SORCS1: variants seen among roughly 807,000 people sequenced by gnomAD.
SORCS1 encodes VPS10 domain-containing receptor SorCS1.
A neutral mutation model predicts 146.1 loss-of-function variants in SORCS1; 60 were observed. The observed-to-expected ratio is 0.41, with a 90% CI of 0.33 to 0.51. The LOEUF is 0.51. Among genes scored for constraint, SORCS1 ranks in the 20% least tolerant of loss-of-function variants. SORCS1 has a pLI of 0.21. For missense variants in SORCS1, 1,352 were observed against 1,487.6 expected (o/e 0.91, Z 1.50); for synonymous variants, 637 against 584.0 (o/e 1.09, Z -1.31).
chr10:106,677,699 T>C (rs1852139948), intron 12 of SORCS1, among the ~76,000 whole-genome samples: 1 of 152,216 alleles, frequency 6.6e-6, no homozygotes, highest in African/African-American at 2.4e-5. Flanking sequence ...CCAGTTATGA[T>C]GATGTCAGAA....
At chr10:107,136,268 G>A (rs1967291311) in intron 1 of SORCS1, among the ~76,000 whole-genome samples, 1 of 152,172 alleles carries the variant, frequency 6.6e-6, no homozygotes, top group East Asian at 1.9e-4. Flanking sequence ...CCATATGCAG[G>A]GGAGAGGACA....
At chr10:106,787,011 T>C (rs1440217632) in intron 3 of SORCS1, among the ~76,000 whole-genome samples, 2 of 152,174 alleles carry the variant, frequency 1.3e-5, no homozygotes, top group African/African-American at 2.4e-5. Flanking sequence ...GGTTGAGTAA[T>C]TTCAGTGTGT....
intron 13 of SORCS1, among the ~76,000 whole-genome samples, chr10:106,676,434 A>G (rs923800056): frequency 7.2e-5 from 11 of 152,214 alleles, no homozygotes; most frequent in African/African-American, 2.7e-4. Flanking sequence ...ATGGATATGG[A>G]TATTAAACTC....
intron 5 of SORCS1, among the ~76,000 whole-genome samples, chr10:106,738,293 G>T (rs1249788153): frequency 1.3e-5 from 2 of 152,296 alleles, no homozygotes; most frequent in East Asian, 1.9e-4. Flanking sequence ...TTAATAAAAA[G>T]AAAATATTCT....
At chr10:106,679,107 G>C (rs1852245305) in intron 12 of SORCS1, 149 bp downstream of exon 12, 4 of 544,224 alleles carry the variant, frequency 7.3e-6, no homozygotes, top group Non-Finnish European at 1.3e-5. Flanking sequence ...CAACATTTAA[G>C]ACTTTTATAT....
rs35223659 is a variant in SORCS1 at position 106,665,388 on chromosome 10, CT to C, written c.2303+2300del. Among the ~76,000 whole-genome samples the C allele has an allele frequency of 8.1e-3, 1,099 of 134,848 alleles. 14 individuals are homozygous for C. Among genetic ancestry groups the C allele is most frequent in the East Asian group, 0.033 (154 of 4,720 alleles). 88.5% of individuals were successfully genotyped at this position (134,848 alleles called of 152,430 possible). On this transcript the variant is annotated intron_variant, in intron 17 of 25. Coordinates refer to ENST00000263054, the MANE Select transcript of SORCS1 (RefSeq NM_052918.5). ...TCCTTCCCTTTTTTTTTCTCTCTCTCTTTTTTTTTTTTTTTAATAGATGGGG... is the reference window on the plus strand; with the variant it reads ...TCCTTCCCTTTTTTTTTCTCTCTCTCTTTTTTTTTTTTTTAATAGATGGGG...
At chr10:106,611,709 T>C (rs972977662) in intron 22 of SORCS1, among the ~76,000 whole-genome samples, 1 of 152,234 alleles carries the variant, frequency 6.6e-6, no homozygotes, top group Non-Finnish European at 1.5e-5. Flanking sequence ...GGTTCCATAG[T>C]TGCATCCCCT....
At chr10:107,078,263 G>T (rs112525397) in intron 1 of SORCS1, among the ~76,000 whole-genome samples, 105 of 152,112 alleles carry the variant, frequency 6.9e-4, no homozygotes, top group African/African-American at 2.4e-3. Flanking sequence ...AGTAAAAGGA[G>T]GTTCCATGCT....
At chr10:106,937,020 G>T (rs543471335) in intron 2 of SORCS1, among the ~76,000 whole-genome samples, 1 of 152,270 alleles carries the variant, frequency 6.6e-6, no homozygotes, top group African/African-American at 2.4e-5. Flanking sequence ...AGATGATACG[G>T]TTTGGCTGTG....
intron 3 of SORCS1, among the ~76,000 whole-genome samples, chr10:106,795,690 C>T (rs1264249165): frequency 1.3e-5 from 2 of 152,090 alleles, no homozygotes; most frequent in South Asian, 2.1e-4. Context: ...AAGGTATTTG[C>T]TACATATTCT....
At chr10:107,120,365 G>C (rs1472672233) in intron 1 of SORCS1, among the ~76,000 whole-genome samples, 1 of 152,132 alleles carries the variant, frequency 6.6e-6, no homozygotes, top group East Asian at 1.9e-4. Flanking sequence ...AATAAAGAAA[G>C]TAATAAAAAA....
intron 22 of SORCS1, among the ~76,000 whole-genome samples, chr10:106,609,971 T>C (rs182709666): frequency 2.2e-4 from 33 of 152,310 alleles, no homozygotes; most frequent in African/African-American, 7.0e-4. Context: ...TTAAAGAGCA[T>C]AAGTCATCCT....
At chr10:106,675,445 T>C (rs1851956243) in intron 13 of SORCS1, among the ~76,000 whole-genome samples, 1 of 152,184 alleles carries the variant, frequency 6.6e-6, no homozygotes. Flanking sequence ...GATATTTTAT[T>C]ATATCTTAGG....
At chr10:106,793,274 G>C (rs992943535) in intron 3 of SORCS1, among the ~76,000 whole-genome samples, 1 of 152,186 alleles carries the variant, frequency 6.6e-6, no homozygotes, top group African/African-American at 2.4e-5. Context: ...GAATAAGTAG[G>C]AAAGATTCGT....
intron 2 of SORCS1, among the ~76,000 whole-genome samples, chr10:106,833,251 C>T (rs1948637336): frequency 6.6e-6 from 1 of 152,090 alleles, no homozygotes; most frequent in South Asian, 2.1e-4. Flanking sequence ...CAAAAGTTAA[C>T]CCAAATTTTG....
intron 1 of SORCS1, among the ~76,000 whole-genome samples, chr10:106,967,958 G>A (rs184759836): frequency 1.4e-4 from 21 of 151,240 alleles, no homozygotes; most frequent in South Asian, 6.3e-4. Context: ...TAATCCCAGC[G>A]CTTTGGGAGG....
intron 19 of SORCS1, among the ~76,000 whole-genome samples, chr10:106,623,772 TCTC>T (rs1165192400): frequency 2.0e-5 from 3 of 152,208 alleles, no homozygotes; most frequent in East Asian, 1.9e-4. Context: ...TTCAAGCAGT[TCTC>T]CTGCCCCAGC....
At chr10:107,165,799 G>C (rs1413704021), upstream of SORCS1, among the ~76,000 whole-genome samples, 1 of 152,150 alleles carries the variant, frequency 6.6e-6, no homozygotes, top group East Asian at 1.9e-4. The surrounding 1 kb of genome is among the most constrained non-coding windows in gnomAD (Gnocchi z 4.0). Context: ...TTTGCTTTGG[G>C]ACCTCAGACA....
At chr10:106,717,594 A>G (rs821945) in intron 6 of SORCS1, among the ~76,000 whole-genome samples, 127,296 of 152,146 alleles carry the variant, frequency 0.84, 54,589 homozygotes, top group Non-Finnish European at 0.94. Flanking sequence ...CATTCAGGAG[A>G]CCATGACTAC....
Sources: gnomAD v4.1 joint callset for allele counts (sites outside exome capture counted in the v4.1 genomes callset) on GRCh38, gnomAD v4.1.1 for gene constraint, Gnocchi (gnomAD v3.1) non-coding constraint, MANE v1.5 for transcripts, NCBI Gene and HGNC (gene_info 2026-07-23, HGNC 2026-07-21) for gene names.